Variants in SORBS2 observed in about 807,000 individuals in gnomAD.
The protein encoded by SORBS2 is sorbin and SH3 domain containing 2, also known as sorbin and SH3 domain-containing protein 2.
SORBS2 carries 46 observed loss-of-function variants against 97.7 expected under a neutral mutation model. That is an observed-to-expected ratio of 0.47 (90% CI 0.37 to 0.60). SORBS2 has a LOEUF of 0.60. Ranked by LOEUF, SORBS2 falls within the 20% of genes least tolerant of loss-of-function variation. The pLI is 0.00. For missense variants in SORBS2, 1,316 were observed against 1,282.3 expected (o/e 1.03, Z -0.40); for synonymous variants, 476 against 473.4 (o/e 1.01, Z -0.07).
chr4:185,682,168 GACAA>G (rs2097880205), intron 2 of SORBS2, among the ~76,000 whole-genome samples: 1 of 152,074 alleles, frequency 6.6e-6, no homozygotes, highest in Non-Finnish European at 1.5e-5. Context: ...GGTAAGAAAT[GACAA>G]ACAATTTTTC....
chr4:185,921,902 T>A (rs2099261081), intron 1 of SORBS2, among the ~76,000 whole-genome samples: 1 of 152,254 alleles, frequency 6.6e-6, no homozygotes, highest in African/African-American at 2.4e-5. Context: ...TTATTCAGAC[T>A]GCCCTGCTAT....
intron 4 of SORBS2, among the ~76,000 whole-genome samples, chr4:185,671,112 G>A (rs566971085): frequency 1.1e-4 from 16 of 152,216 alleles, no homozygotes; most frequent in Admixed American, 6.5e-4. Flanking sequence ...TGGCTGTATT[G>A]CCTGCATTGT....
chr4:185,899,242 G>A (rs536751848), intron 1 of SORBS2, among the ~76,000 whole-genome samples: 3 of 152,202 alleles, frequency 2.0e-5, no homozygotes, highest in African/African-American at 4.8e-5. Flanking sequence ...GACACACAGC[G>A]GATAATCCAA....
chr4:185,894,652 T>C (rs2099244130), intron 1 of SORBS2, among the ~76,000 whole-genome samples: 1 of 152,170 alleles, frequency 6.6e-6, no homozygotes, highest in African/African-American at 2.4e-5. Flanking sequence ...TCAGAATCAA[T>C]ATCTCTCTGG....
At chr4:185,701,733 G>T (rs1341411526) in intron 2 of SORBS2, among the ~76,000 whole-genome samples, 1 of 151,804 alleles carries the variant, frequency 6.6e-6, no homozygotes, top group Non-Finnish European at 1.5e-5. Flanking sequence ...TTGGGAGAGG[G>T]CAAACAATAA....
At chr4:185,946,339 C>T (rs2099274552) in intron 1 of SORBS2, among the ~76,000 whole-genome samples, 1 of 151,838 alleles carries the variant, frequency 6.6e-6, no homozygotes, top group African/African-American at 2.4e-5. Flanking sequence ...ATAATTGGAA[C>T]AAAAAAATGT....
intron 1 of SORBS2, among the ~76,000 whole-genome samples, chr4:185,796,535 C>CAGTA: frequency 8.0e-6 from 1 of 124,494 alleles, no homozygotes; most frequent in East Asian, 2.5e-4. Flanking sequence ...TCCCTGGTCA[C>CAGTA]GGTGGGGCTG....
At chr4:185,612,858 C>T (rs756603010) in intron 11 of SORBS2, among the ~76,000 whole-genome samples, 1 of 152,068 alleles carries the variant, frequency 6.6e-6, no homozygotes, top group Non-Finnish European at 1.5e-5. Context: ...GGAAAGAGAG[C>T]GCCCTAGAAT....
chr4:185,744,995 G>A (rs1217852138), intron 2 of SORBS2, among the ~76,000 whole-genome samples: 4 of 152,234 alleles, frequency 2.6e-5, no homozygotes, highest in Non-Finnish European at 5.9e-5. Flanking sequence ...GACTTTGTTA[G>A]GCAGCTGGTG....
chr4:185,603,978 G>A (rs2096342604), intron 12 of SORBS2, among the ~76,000 whole-genome samples: 2 of 152,114 alleles, frequency 1.3e-5, no homozygotes, highest in South Asian at 2.1e-4. Context: ...TGCTGAACCT[G>A]CCGATCGGTG....
intron 4 of SORBS2, among the ~76,000 whole-genome samples, chr4:185,662,622 C>T (rs889282463): frequency 3.3e-5 from 5 of 152,156 alleles, no homozygotes; most frequent in Non-Finnish European, 5.9e-5. Context: ...GGTGCTGTTC[C>T]GCATGCAGCA....
intron 7 of SORBS2, among the ~76,000 whole-genome samples, chr4:185,622,372 G>A (rs1002189514): frequency 6.6e-6 from 1 of 152,164 alleles, no homozygotes; most frequent in Non-Finnish European, 1.5e-5. Context: ...TCACCATTGT[G>A]TCCTTGAAAT....
intron 2 of SORBS2, among the ~76,000 whole-genome samples, chr4:185,722,355 TAA>T (rs1261810806): frequency 2.0e-5 from 3 of 152,262 alleles, no homozygotes; most frequent in Non-Finnish European, 2.9e-5. Context: ...TTAGCTATGA[TAA>T]ATTATGTTAA....
chr4:185,953,710 T>C (rs2099278304), intron 1 of SORBS2, among the ~76,000 whole-genome samples: 1 of 152,238 alleles, frequency 6.6e-6, no homozygotes, highest in African/African-American at 2.4e-5. Context: ...GGAGTAATCA[T>C]GTCAACTCCA....
In SORBS2 at chr4:185,678,558, G is replaced by C. The variant is rs1363268520; in HGVS notation, c.-170-11C>G. ...TGTAAGATCTCCAAGCTTTCATTAAGGGAAAACAATTGGATACAAAAATAT... is the reference window on the plus strand; with the variant it reads ...TGTAAGATCTCCAAGCTTTCATTAACGGAAAACAATTGGATACAAAAATAT... On this transcript the variant is annotated splice_polypyrimidine_tract_variant and intron_variant, in intron 3 of 20. Transcript: ENST00000284776. 2.0e-6 allele frequency: 3 copies of C among 1,523,218 alleles called. No individual in the cohort carries two copies. The highest frequency in any genetic ancestry group is 2.6e-6 in the Non-Finnish European group (3 of 1,136,568). 94.4% of individuals were successfully genotyped at this position (1,523,218 alleles called of 1,614,324 possible). A position where few individuals can be genotyped will look rare whatever the true frequency, so the allele number is the denominator to read the frequency against.
Position 185,623,909 on chromosome 4 carries a change from C to G in SORBS2, c.1220G>C (p.Arg407Pro). 6.2e-7 allele frequency: 1 copy of G among 1,614,142 alleles called. No homozygotes were observed. The highest frequency in any genetic ancestry group is 8.5e-7 in the Non-Finnish European group (1 of 1,180,034). ...GGAGATGCGTGTGGGCACCATGTCC[C>G]GGGGCACCTCCTCCGTGGAGCACTG... Residue 407 changes from arginine (R) to proline (P), a missense_variant, in exon 7 of 15, where the codon CGG (arginine) becomes CCG (proline). Arg to Pro is a moderately radical substitution (Grantham distance 103). Coordinates refer to ENST00000418609, the Ensembl canonical transcript of SORBS2. This position sits in a 1 kb window ranked among gnomAD's most constrained non-coding sequence, Gnocchi z 6.4.
chr4:185,644,069 A>C (rs1479562878), intron 4 of SORBS2, among the ~76,000 whole-genome samples: 1 of 152,186 alleles, frequency 6.6e-6, no homozygotes, highest in Non-Finnish European at 1.5e-5. Flanking sequence ...TAAAAAGATG[A>C]TGAGCTGGTC....
At chr4:185,633,612 T>C (rs2096943210) in intron 4 of SORBS2, among the ~76,000 whole-genome samples, 1 of 152,052 alleles carries the variant, frequency 6.6e-6, no homozygotes, top group Non-Finnish European at 1.5e-5. Flanking sequence ...AGAAATAATA[T>C]TAAGTAAGTA....
intron 1 of SORBS2, among the ~76,000 whole-genome samples, chr4:185,941,109 T>C (rs1441878056): frequency 1.3e-5 from 2 of 152,236 alleles, no homozygotes; most frequent in Non-Finnish European, 2.9e-5. Flanking sequence ...ACAGCACTTA[T>C]CTGCATCATC....
Sources: allele counts gnomAD v4.1 joint callset (sites outside exome capture counted in the v4.1 genomes callset), GRCh38; gene constraint gnomAD v4.1.1; non-coding constraint Gnocchi (gnomAD v3.1); transcripts MANE v1.5; gene names NCBI Gene and HGNC (gene_info 2026-07-23, HGNC 2026-07-21).